The following CHCHD3 variants were observed in gnomAD, a reference collection of about 807,000 sequenced individuals.
CHCHD3 encodes MICOS complex subunit MIC19.
In CHCHD3, 20 loss-of-function variants were observed where a neutral mutation model predicts 38.2. The observed-to-expected ratio is 0.52, with a 90% confidence interval of 0.37 to 0.76. CHCHD3 has a LOEUF of 0.76. CHCHD3 is among the 30% of genes least tolerant of loss of function. The probability of loss-of-function intolerance (pLI) is 0.00; values close to 1 mark genes in which losing one functional copy is unlikely to be tolerated. For synonymous variants in CHCHD3, 82 were observed against 100.0 expected, an observed-to-expected ratio of 0.82 and a Z score of 1.07; for missense variants, 245 against 279.2, an observed-to-expected ratio of 0.88 and a Z score of 0.87.
At position 133,035,132 on chromosome 7, in the gene CHCHD3, C is replaced by T; in HGVS notation, c.170-10505G>A. 1.2e-6 allele frequency: 2 copies of T among 1,613,698 alleles called. No individual in the cohort carries two copies. The highest frequency in any genetic ancestry group is 1.7e-6 in the Non-Finnish European group (2 of 1,179,710). On this transcript the variant is annotated intron_variant, in intron 2 of 7. Coordinates refer to ENST00000262570, the MANE Select transcript of CHCHD3 (RefSeq NM_017812.4). This position sits in a 1 kb window ranked among gnomAD's most constrained non-coding sequence, Gnocchi z 4.7. ...CAGCCAGCGCCTGCTCACATTCATC[C>T]ATCTCCTCCTCAGGAGCAGGGGCAG...
intron 6 of CHCHD3, among the ~76,000 whole-genome samples, chr7:132,804,536 G>A (rs958224762): frequency 5.9e-5 from 9 of 152,070 alleles, no homozygotes; most frequent in South Asian, 2.1e-4. Context: ...CTTCCCTGCC[G>A]TGATCAAATT....
intron 6 of CHCHD3, among the ~76,000 whole-genome samples, chr7:132,818,187 C>T (rs1807254044): frequency 6.6e-6 from 1 of 152,208 alleles, no homozygotes; most frequent in Non-Finnish European, 1.5e-5. Flanking sequence ...TAAATCAAAG[C>T]AAAAGCCAAT....
At chr7:132,896,647 A>T (rs1458079790) in intron 4 of CHCHD3, among the ~76,000 whole-genome samples, 1 of 152,206 alleles carries the variant, frequency 6.6e-6, no homozygotes, top group African/African-American at 2.4e-5. Context: ...GAATTCTAAC[A>T]CAAGCAGTCT....
At chr7:132,874,322 G>A (rs1349187269) in intron 5 of CHCHD3, among the ~76,000 whole-genome samples, 1 of 152,158 alleles carries the variant, frequency 6.6e-6, no homozygotes, top group East Asian at 1.9e-4. Flanking sequence ...TTATTCTCCA[G>A]ATACAAAGGC....
chr7:132,886,707 A>AT (rs566403758), intron 4 of CHCHD3, among the ~76,000 whole-genome samples: 86 of 9,306 alleles, frequency 9.2e-3, no homozygotes, highest in Non-Finnish European at 0.079. Flanking sequence ...ATAGATATAT[A>AT]TATTTTTGTG....
intron 7 of CHCHD3, among the ~76,000 whole-genome samples, chr7:132,787,508 C>G (rs1017835707): frequency 4.0e-5 from 6 of 151,748 alleles, no homozygotes; most frequent in African/African-American, 1.5e-4. Context: ...CAGTGGGAGC[C>G]TGGGAAGGAG....
intron 3 of CHCHD3, among the ~76,000 whole-genome samples, chr7:132,982,013 A>C (rs1811930262): frequency 6.6e-6 from 1 of 152,234 alleles, no homozygotes; most frequent in African/African-American, 2.4e-5. Flanking sequence ...TTAACGCATC[A>C]TATTTTGTCA....
At chr7:132,912,374 T>A (rs1809973793) in intron 4 of CHCHD3, among the ~76,000 whole-genome samples, 1 of 152,180 alleles carries the variant, frequency 6.6e-6, no homozygotes, top group East Asian at 1.9e-4. Context: ...AGAAGACAGA[T>A]AAACTACTAG....
chr7:132,793,904 C>T (rs562829278), intron 7 of CHCHD3, among the ~76,000 whole-genome samples: 6 of 152,284 alleles, frequency 3.9e-5, no homozygotes, highest in Non-Finnish European at 7.4e-5. Context: ...GTCGGGACTA[C>T]GTATCTTGCC....
At chr7:132,851,227 G>A (rs1271480077) in intron 5 of CHCHD3, among the ~76,000 whole-genome samples, 4 of 152,058 alleles carry the variant, frequency 2.6e-5, no homozygotes, top group Non-Finnish European at 4.4e-5. Flanking sequence ...ACAATTTAAG[G>A]TTTTAGCCTG....
At chr7:132,845,427 T>C (rs757988192) in intron 5 of CHCHD3, among the ~76,000 whole-genome samples, 14 of 152,342 alleles carry the variant, frequency 9.2e-5, no homozygotes, top group Admixed American at 3.9e-4. Context: ...TTGGTGAATG[T>C]TGCTCACACT....
intron 6 of CHCHD3, chr7:132,830,565 A>C (rs1807621071): frequency 6.6e-6 from 1 of 152,206 alleles, no homozygotes; most frequent in African/African-American, 2.4e-5. Flanking sequence ...AAGACATAAT[A>C]AATAACCTGC....
At chr7:132,845,379 T>A (rs1808052631) in intron 5 of CHCHD3, among the ~76,000 whole-genome samples, 1 of 152,138 alleles carries the variant, frequency 6.6e-6, no homozygotes, top group Non-Finnish European at 1.5e-5. Context: ...AAAATTTAAA[T>A]CTGTAAAACA....
At position 132,987,170 on chromosome 7, in the gene CHCHD3, TA is replaced by T. The variant is rs371081663; in HGVS notation, c.252-11885del. 6.6e-4 allele frequency among the ~76,000 whole-genome samples: 100 copies of T among 152,240 alleles called. 1 individual carries two copies. The highest frequency in any genetic ancestry group is 2.3e-3 in the African/African-American group (97 of 41,530). ...AATGTTTTTATTTCAGCCTATAGAT[TA>T]GGGGATCATAAGGACCTTTCTTCAT... is the stretch of plus-strand genomic sequence containing the variant. On this transcript the variant is annotated intron_variant, in intron 3 of 7. Coordinates refer to ENST00000262570, the MANE Select transcript of CHCHD3 (RefSeq NM_017812.4).
At chr7:133,053,714 A>G (rs1814233210) in intron 2 of CHCHD3, among the ~76,000 whole-genome samples, 1 of 152,232 alleles carries the variant, frequency 6.6e-6, no homozygotes, top group Non-Finnish European at 1.5e-5. Flanking sequence ...TAATAATGCT[A>G]AGTGTCCTAA....
At chr7:132,907,030 A>C (rs1040780383) in intron 4 of CHCHD3, among the ~76,000 whole-genome samples, 1 of 152,148 alleles carries the variant, frequency 6.6e-6, no homozygotes, top group Non-Finnish European at 1.5e-5. Flanking sequence ...AATAAACCAT[A>C]CCCTATATAC....
chr7:133,046,169 T>G (rs758382199), intron 2 of CHCHD3, among the ~76,000 whole-genome samples: 1 of 152,218 alleles, frequency 6.6e-6, no homozygotes, highest in Non-Finnish European at 1.5e-5. Flanking sequence ...GCATAAATGT[T>G]TATAAACATG....
rs370417399 is a variant in CHCHD3, at chr7:133,075,683, CA to C, written c.82-5455del. 1.4e-4 allele frequency among the ~76,000 whole-genome samples: 22 copies of C among 152,294 alleles called. 1 individual carries two copies. The highest frequency in any genetic ancestry group is 3.4e-3 in the Middle Eastern group (1 of 294). ...ATACACGCAATCTGTAGCTGCAGAA[CA>C]ACTCATCTTTCTGATAAAAAATGAC... On this transcript the variant is annotated intron_variant, in intron 1 of 7. Transcript: ENST00000262570.
intron 5 of CHCHD3, among the ~76,000 whole-genome samples, chr7:132,877,940 G>T (rs1330150728): frequency 6.6e-6 from 1 of 152,126 alleles, no homozygotes; most frequent in Non-Finnish European, 1.5e-5. Context: ...CTGTCACATT[G>T]CAGGGCCAAA....
Sources: gnomAD v4.1 joint callset for allele counts (sites outside exome capture counted in the v4.1 genomes callset) on GRCh38, gnomAD v4.1.1 for gene constraint, Gnocchi (gnomAD v3.1) non-coding constraint, MANE v1.5 for transcripts, NCBI Gene and HGNC (gene_info 2026-07-23, HGNC 2026-07-21) for gene names.